The following IGSF5 variants were observed in gnomAD, a reference collection of about 807,000 sequenced individuals.
IGSF5 encodes immunoglobulin superfamily 5 like.
In IGSF5, 41 loss-of-function variants were observed where a neutral mutation model predicts 39.4. The observed-to-expected ratio is 1.04, with a 90% CI of 0.81 to 1.35. The LOEUF is 1.35. Among genes scored for constraint, IGSF5 ranks in the 40% most tolerant of loss-of-function variants. The pLI, the probability that IGSF5 is intolerant of heterozygous loss-of-function variation, is 0.00. For missense variants in IGSF5, 487 were observed against 494.6 expected, an observed-to-expected ratio of 0.98 and a Z score of 0.15; for synonymous variants, 183 against 175.3, an observed-to-expected ratio of 1.04 and a Z score of -0.34.
chr21:39,735,418 A>C, the IGSF5 span, among the ~76,000 whole-genome samples: 131 of 152,306 alleles, frequency 8.6e-4, no homozygotes, highest in African/African-American at 3.1e-3. Context: ...CTTTATGTTG[A>C]GTCTAATAGA....
intron 4 of IGSF5, among the ~76,000 whole-genome samples, chr21:39,772,920 T>C (rs2080122119): frequency 6.6e-6 from 1 of 152,234 alleles, no homozygotes; most frequent in African/African-American, 2.4e-5. Flanking sequence ...ATGTAGCCAA[T>C]AGATATTGTG....
the IGSF5 span, among the ~76,000 whole-genome samples, chr21:39,724,907 A>G: frequency 1.3e-5 from 2 of 152,174 alleles, no homozygotes; most frequent in South Asian, 4.1e-4. Context: ...ACATGCATTA[A>G]TCTGTTATTT....
At chr21:39,764,188 T>A (rs1028166296) in intron 2 of IGSF5, among the ~76,000 whole-genome samples, 1 of 152,152 alleles carries the variant, frequency 6.6e-6, no homozygotes, top group African/African-American at 2.4e-5. Flanking sequence ...GGTGGCGGCT[T>A]ACTCCTTCCC....
At chr21:39,784,771 C>T (rs774492799) in intron 5 of IGSF5, among the ~76,000 whole-genome samples, 47 of 152,140 alleles carry the variant, frequency 3.1e-4, no homozygotes, top group Non-Finnish European at 6.3e-4. Context: ...CTGGATTTCT[C>T]TATGATGATT....
At chr21:39,715,409 A>G in the IGSF5 span, among the ~76,000 whole-genome samples, 26 of 152,330 alleles carry the variant, frequency 1.7e-4, no homozygotes, top group Admixed American at 7.8e-4. Context: ...ATGAGCCACC[A>G]TGACCAGCCC....
chr21:39,723,252 G>A, the IGSF5 span, among the ~76,000 whole-genome samples: 1 of 152,172 alleles, frequency 6.6e-6, no homozygotes, highest in African/African-American at 2.4e-5. Context: ...TTTCTTGCAG[G>A]CTGTTGGACT....
chr21:39,790,787 G>T (rs990479641), intron 6 of IGSF5, among the ~76,000 whole-genome samples: 6 of 152,086 alleles, frequency 3.9e-5, no homozygotes, highest in South Asian at 2.1e-4. Flanking sequence ...TTATCTGCAG[G>T]TTCCACATCC....
At chr21:39,716,070 C>G in the IGSF5 span, among the ~76,000 whole-genome samples, 32 of 152,224 alleles carry the variant, frequency 2.1e-4, no homozygotes, top group Non-Finnish European at 4.4e-4. Flanking sequence ...CTCCCATGCA[C>G]TCATTTCCCA....
Position 39,801,380 on chromosome 21 carries a change from T to G in IGSF5, c.*23T>G. The G allele has an allele frequency of 6.5e-7, 1 of 1,547,984 alleles. No homozygotes were observed. Among genetic ancestry groups the G allele is most frequent in the Non-Finnish European group, 8.9e-7 (1 of 1,120,410 alleles). On this transcript the variant is annotated 3_prime_UTR_variant, in exon 9 of 9. Transcript: ENST00000380588. The stretch of plus-strand genomic sequence containing the variant: ...TAGCAAAGCCTTCCCCAAGCTCCAC[T>G]GAGCACTTGGCTGACAATTCAAAAC...
upstream of IGSF5, among the ~76,000 whole-genome samples, chr21:39,740,928 GTAT>G (rs1021849173): frequency 2.0e-5 from 3 of 152,116 alleles, no homozygotes; most frequent in Non-Finnish European, 4.4e-5. Context: ...TTTCTTCCCT[GTAT>G]TATTTTAACT....
chr21:39,771,647 G>C (rs969037606), intron 4 of IGSF5, among the ~76,000 whole-genome samples: 1 of 152,112 alleles, frequency 6.6e-6, no homozygotes, highest in Non-Finnish European at 1.5e-5. Context: ...GAATTATAAT[G>C]CTTCATTTTC....
the IGSF5 span, among the ~76,000 whole-genome samples, chr21:39,717,794 T>A: frequency 6.6e-6 from 1 of 152,242 alleles, no homozygotes; most frequent in African/African-American, 2.4e-5. Context: ...AGATTTGTTC[T>A]TTTTGCTTAG....
At chr21:39,717,882 C>G in the IGSF5 span, among the ~76,000 whole-genome samples, 3 of 152,148 alleles carry the variant, frequency 2.0e-5, no homozygotes, top group African/African-American at 7.2e-5. Context: ...TGAAGAATGT[C>G]ATTGGTACTT....
intron 8 of IGSF5, among the ~76,000 whole-genome samples, chr21:39,794,161 G>C (rs2086981768): frequency 6.6e-6 from 1 of 152,204 alleles, no homozygotes; most frequent in Non-Finnish European, 1.5e-5. Context: ...AATTTTAGAG[G>C]AGAGAGGAGG....
At chr21:39,765,886 G>A in intron 3 of IGSF5, 34 bp downstream of exon 3, 1 of 1,586,464 alleles carries the variant, frequency 6.3e-7, no homozygotes, top group Non-Finnish European at 8.6e-7. Context: ...AGTCCATCAG[G>A]TTAAATGTCA....
In IGSF5 at chr21:39,789,617, TG is replaced by T. The variant is rs569228604; in HGVS notation, c.956+1430del. Among the ~76,000 whole-genome samples, 22 of 152,308 alleles carry T rather than the reference TG, an allele frequency of 1.4e-4. No individual in the cohort carries two copies. In the South Asian group the frequency reaches 4.6e-3, roughly 32 times the overall value. On this transcript the variant is annotated intron_variant, in intron 6 of 8. Coordinates refer to ENST00000380588, the MANE Select transcript of IGSF5 (RefSeq NM_001080444.2). ...ATAATTAAAATTATATGTATATAGT[TG>T]TATGTTTATTATGGAAAAAAATCAA...
At chr21:39,718,645 T>A in the IGSF5 span, among the ~76,000 whole-genome samples, 1 of 152,250 alleles carries the variant, frequency 6.6e-6, no homozygotes, top group South Asian at 2.1e-4. Context: ...ATGTGATGAA[T>A]CACATTTATT....
chr21:39,788,070 G>C (rs1043779278), intron 5 of IGSF5, 97 bp from the exon 6 acceptor site: 3 of 870,450 alleles, frequency 3.4e-6, no homozygotes, highest in African/African-American at 1.7e-5. Context: ...ACTAATGTTG[G>C]GTCTGTTAAA....
intron 5 of IGSF5, among the ~76,000 whole-genome samples, chr21:39,780,798 C>T (rs995513626): frequency 1.3e-5 from 2 of 152,166 alleles, no homozygotes; most frequent in African/African-American, 2.4e-5. Flanking sequence ...CAGAAGCCTA[C>T]GGATGCTTTA....
Sources: gnomAD v4.1 joint callset for allele counts (sites outside exome capture counted in the v4.1 genomes callset) on GRCh38, gnomAD v4.1.1 for gene constraint, MANE v1.5 for transcripts, NCBI Gene and HGNC (gene_info 2026-07-23, HGNC 2026-07-21) for gene names.